CMSS1: variants seen among roughly 807,000 people sequenced by gnomAD.
CMSS1 encodes the protein protein CMSS1.
A neutral mutation model predicts 43.5 loss-of-function variants in CMSS1; 33 were observed. The observed-to-expected ratio is 0.76, with a 90% CI of 0.57 to 1.01. The LOEUF (loss-of-function observed/expected upper bound fraction) is 1.01. Among genes scored for constraint, CMSS1 ranks in the 50% least tolerant of loss-of-function variants. The pLI is 0.00. For missense variants in CMSS1, 313 were observed against 326.4 expected (o/e 0.96, Z 0.32); for synonymous variants, 115 against 117.2 (o/e 0.98, Z 0.12).
intron 6 of CMSS1, among the ~76,000 whole-genome samples, chr3:100,170,174 T>C (rs1280860542): frequency 6.6e-6 from 1 of 152,222 alleles, no homozygotes; most frequent in African/African-American, 2.4e-5. Flanking sequence ...TATGTGTAAG[T>C]AAAAACTTGA....
chr3:100,161,291 G>T (rs1450454330), intron 3 of CMSS1, among the ~76,000 whole-genome samples: 4 of 152,186 alleles, frequency 2.6e-5, no homozygotes, highest in Non-Finnish European at 5.9e-5. Flanking sequence ...GGCCAAATAG[G>T]AAAATGGGAG....
At chr3:100,159,191 T>G (rs1248052350) in intron 2 of CMSS1, among the ~76,000 whole-genome samples, 1 of 152,260 alleles carries the variant, frequency 6.6e-6, no homozygotes, top group Non-Finnish European at 1.5e-5. Context: ...TATCTCTCTT[T>G]TCTTTAGCTA....
At chr3:99,948,395 C>T (rs996547908) in intron 1 of CMSS1, among the ~76,000 whole-genome samples, 6 of 151,678 alleles carry the variant, frequency 4.0e-5, no homozygotes, top group African/African-American at 7.3e-5. Flanking sequence ...AAAATTAGCT[C>T]GGTAGGGTGA....
At chr3:99,963,621 CT>C (rs1266876956) in intron 1 of CMSS1, among the ~76,000 whole-genome samples, 1 of 148,104 alleles carries the variant, frequency 6.8e-6, no homozygotes. Context: ...TTTTTTTTTT[CT>C]TTTTTTTTAG....
intron 1 of CMSS1, among the ~76,000 whole-genome samples, chr3:99,977,707 A>G (rs564764192): frequency 5.9e-5 from 9 of 152,206 alleles, no homozygotes; most frequent in Non-Finnish European, 1.3e-4. Flanking sequence ...TATCAGAAAA[A>G]TAAGAGAATG....
intron 1 of CMSS1, among the ~76,000 whole-genome samples, chr3:100,075,164 A>G (rs907221295): frequency 1.3e-5 from 2 of 152,200 alleles, no homozygotes; most frequent in Non-Finnish European, 2.9e-5. Flanking sequence ...TTAGATAGAG[A>G]TCGTCAAAAC....
At chr3:99,902,509 A>G (rs1576559846) in intron 1 of CMSS1, among the ~76,000 whole-genome samples, 1 of 152,318 alleles carries the variant, frequency 6.6e-6, no homozygotes, top group East Asian at 1.9e-4. Flanking sequence ...ATATAAGGGT[A>G]TCTAGCTGTC....
At chr3:99,937,281 C>T (rs1282766155) in intron 1 of CMSS1, among the ~76,000 whole-genome samples, 1 of 152,204 alleles carries the variant, frequency 6.6e-6, no homozygotes, top group Non-Finnish European at 1.5e-5. Context: ...TTGTTGAATT[C>T]TGAGTATCCA....
chr3:99,934,208 A>C (rs1707584000), intron 1 of CMSS1, among the ~76,000 whole-genome samples: 1 of 152,178 alleles, frequency 6.6e-6, no homozygotes, highest in Non-Finnish European at 1.5e-5. Flanking sequence ...GCCCAGATTC[A>C]AGATTGAGGA....
chr3:100,100,650 A>G (rs1464609235), intron 1 of CMSS1, among the ~76,000 whole-genome samples: 1 of 152,210 alleles, frequency 6.6e-6, no homozygotes, highest in African/African-American at 2.4e-5. Context: ...AAAATTATAC[A>G]GGAATGAAAA....
chr3:99,986,265 A>T (rs1709339267), intron 1 of CMSS1, among the ~76,000 whole-genome samples: 2 of 152,180 alleles, frequency 1.3e-5, no homozygotes, highest in Admixed American at 1.3e-4. Flanking sequence ...ATTGAATGGG[A>T]TATGTCCCAG....
At chr3:99,902,089 G>T (rs927738449) in intron 1 of CMSS1, among the ~76,000 whole-genome samples, 1 of 152,082 alleles carries the variant, frequency 6.6e-6, no homozygotes, top group African/African-American at 2.4e-5. Context: ...ATATTTAAAT[G>T]ATTGGCTTGC....
At chr3:100,132,839 A>G (rs978698649) in intron 1 of CMSS1, among the ~76,000 whole-genome samples, 1 of 151,172 alleles carries the variant, frequency 6.6e-6, no homozygotes, top group African/African-American at 2.4e-5. Flanking sequence ...AAAAAAAAAA[A>G]AGAAAAAGTA....
chr3:99,922,603 T>C (rs1296245458), intron 1 of CMSS1, among the ~76,000 whole-genome samples: 1 of 152,234 alleles, frequency 6.6e-6, no homozygotes, highest in Non-Finnish European at 1.5e-5. Context: ...TTAAGTTACC[T>C]AGCTGAAGTA....
intron 1 of CMSS1, chr3:99,931,030 C>T: frequency 6.2e-7 from 1 of 1,609,370 alleles, no homozygotes; most frequent in Non-Finnish European, 8.5e-7. Flanking sequence ...TTCTTTAAAG[C>T]CTGGAAGGAG....
chr3:100,094,921 C>G (rs901252101), intron 1 of CMSS1, among the ~76,000 whole-genome samples: 29 of 152,008 alleles, frequency 1.9e-4, no homozygotes, highest in African/African-American at 6.8e-4. Flanking sequence ...ATCTCCTGAC[C>G]TCGTGATCCA....
At chr3:99,955,740 T>C (rs1328635952) in intron 1 of CMSS1, among the ~76,000 whole-genome samples, 2 of 152,104 alleles carry the variant, frequency 1.3e-5, no homozygotes, top group Admixed American at 1.3e-4. Flanking sequence ...TGATTTTACA[T>C]AGAGTATGGT....
chr3:100,158,112 A>G (rs954539203), intron 2 of CMSS1, among the ~76,000 whole-genome samples: 2 of 152,156 alleles, frequency 1.3e-5, no homozygotes, highest in Non-Finnish European at 2.9e-5. Context: ...TGGTTTTTAT[A>G]TAGATCCTGC....
At chr3:99,843,085 A>G (rs1391695410) in intron 1 of CMSS1, among the ~76,000 whole-genome samples, 1 of 152,262 alleles carries the variant, frequency 6.6e-6, no homozygotes, top group Non-Finnish European at 1.5e-5. Context: ...TGAGAACCTT[A>G]GTAAACTACT....
Sources: gnomAD v4.1 joint callset for allele counts (sites outside exome capture counted in the v4.1 genomes callset) on GRCh38, gnomAD v4.1.1 for gene constraint, MANE v1.5 for transcripts, NCBI Gene and HGNC (gene_info 2026-07-23, HGNC 2026-07-21) for gene names.